SART1: variants seen among roughly 807,000 people sequenced by gnomAD.
The protein encoded by SART1 is U4/U6.U5 tri-snRNP-associated protein 1.
SART1 carries 28 observed loss-of-function variants against 105.0 expected under a neutral mutation model. The observed-to-expected ratio is 0.27, with a 90% CI of 0.20 to 0.37. The LOEUF (loss-of-function observed/expected upper bound fraction) is 0.37, where lower values mean the gene tolerates loss of function less well. Among genes scored for constraint, SART1 ranks in the 10% least tolerant of loss-of-function variants. SART1 has a pLI of 1.00. For missense variants in SART1, 894 were observed against 1,106.5 expected (o/e 0.81, Z 2.72); for synonymous variants, 472 against 462.9 (o/e 1.02, Z -0.25).
Position 65,975,410 on chromosome 11 carries a change from A to ATT in SART1, c.1573-966_1573-965dup, listed in dbSNP as rs531946236. On this transcript the variant is annotated intron_variant, in intron 12 of 19. Transcript: ENST00000312397. ...GAGCAACCACCCGGCCCCTGGAAGAATTTTTTTTTTTTTTTTTTTTCGAGA... is the reference window on the plus strand; with the variant it reads ...GAGCAACCACCCGGCCCCTGGAAGAATTTTTTTTTTTTTTTTTTTTTTCGAGA... 2.8e-3 allele frequency among the ~76,000 whole-genome samples: 306 copies of ATT among 110,064 alleles called. 2 individuals carry two copies. The highest frequency in any genetic ancestry group is 4.5e-3 in the African/African-American group (124 of 27,824). The allele number at this position is 110,064 out of a possible 152,430, so 72.2% of individuals were successfully genotyped here.
At position 65,964,019 on chromosome 11, in the gene SART1, T is replaced by C. The variant is rs549851887; in HGVS notation, c.314-55T>C. 22 of 1,543,084 alleles carry C rather than the reference T, an allele frequency of 1.4e-5. No individual in the cohort carries two copies. In the Admixed American group the frequency reaches 3.4e-4, roughly 24 times the overall value. On this transcript the variant is annotated intron_variant, in intron 1 of 19. Transcript: ENST00000312397. The stretch of plus-strand genomic sequence containing the variant: ...TTGTTCCTGCAGCTGGAGCCAACGA[T>C]GCTGGCTTCTTGGCCCTGTGTTCAG...
chr11:65,965,687 C>G lies in SART1; in HGVS notation c.661-15C>G. 6.2e-7 allele frequency: 1 copy of G among 1,611,944 alleles called. No individual in the cohort carries two copies. The highest frequency in any genetic ancestry group is 8.5e-7 in the Non-Finnish European group (1 of 1,178,832). On this transcript the variant is annotated splice_polypyrimidine_tract_variant and intron_variant, in intron 5 of 19. Transcript: ENST00000312397. ...AGTGGCCTGAAGTCCTAGGTCACCC[C>G]TCCCTGTCCCGTAGGCCAAGTTACT...
Position 65,979,084 on chromosome 11 carries a change from T to A in SART1, c.*54T>A. ...AACCTTCATATTAAATAAAGCTCCC[T>A]CCTTATTTTTTCCTCCCTGGTCGTG... On this transcript the variant is annotated 3_prime_UTR_variant, in exon 20 of 20. Transcript: ENST00000312397. 6.2e-7 allele frequency: 1 copy of A among 1,609,972 alleles called. No individual in the cohort carries two copies. The highest frequency in any genetic ancestry group is 8.5e-7 in the Non-Finnish European group (1 of 1,176,648).
chr11:65,963,655 T>G (rs1855190823), intron 1 of SART1, among the ~76,000 whole-genome samples: 1 of 152,158 alleles, frequency 6.6e-6, no homozygotes, highest in African/African-American at 2.4e-5. Context: ...CTAATTTTTA[T>G]ATTTTTAGTA....
At position 65,979,346 on chromosome 11, in the gene SART1, CG is replaced by C; in HGVS notation, c.*321del. On this transcript the variant is annotated 3_prime_UTR_variant, in exon 20 of 20. Transcript: ENST00000312397. ...TCATCACCCTGCTCTCTCCTGGCCT[CG>C]GGGGCTGCACAGGTCACTGTCCTGT... The C allele has an allele frequency of 8.1e-6, 4 of 492,670 alleles. No homozygotes were observed. The highest frequency in any genetic ancestry group is 1.5e-5 in the Non-Finnish European group (4 of 271,676). 30.5% of individuals were successfully genotyped at this position (492,670 alleles called of 1,614,324 possible).
At chr11:65,972,627 C>T (rs1432589947) in intron 12 of SART1, among the ~76,000 whole-genome samples, 1 of 151,996 alleles carries the variant, frequency 6.6e-6, no homozygotes, top group African/African-American at 2.4e-5. Context: ...ATTAGCTGGG[C>T]ATGGTAGCAT....
In SART1 at chr11:65,978,034, C is replaced by A; in HGVS notation, c.2172+135C>A. The A allele has an allele frequency of 1.1e-6, 1 of 952,184 alleles. No individual in the cohort carries two copies. 59.0% of individuals were successfully genotyped at this position (952,184 alleles called of 1,614,324 possible). A position where few individuals can be genotyped will look rare whatever the true frequency, so the allele number is the denominator to read the frequency against. The stretch of plus-strand genomic sequence containing the variant: ...CCTCTGGCTGGGGGCCTGGTGAATG[C>A]CACGGATGGGGAGGGGGCCCTCAGG... On this transcript the variant is annotated intron_variant, in intron 17 of 19. Transcript: ENST00000312397. The surrounding 1 kb of genome is among the most constrained non-coding windows in gnomAD (Gnocchi z 6.8).
At chr11:65,968,743 G>C (rs1382455763) in intron 12 of SART1, among the ~76,000 whole-genome samples, 1 of 152,184 alleles carries the variant, frequency 6.6e-6, no homozygotes, top group Non-Finnish European at 1.5e-5. Flanking sequence ...GAGGGCCAGG[G>C]AGGCTGGAGC....
Position 65,966,478 on chromosome 11 carries a change from C to G in SART1, c.1110C>G (p.Ala370=). ...AGCGGGAGCTGGAGGAGATCCGGGCCAAGCTGCGGCTGCAGGCTCAGTCCC... is the reference window on the plus strand; with the variant it reads ...AGCGGGAGCTGGAGGAGATCCGGGCGAAGCTGCGGCTGCAGGCTCAGTCCC... The part of the protein sequence containing the change: ...LRERELEEIR[A]KLRLQAQSLS... The change falls in exon 9 of 20, where the codon GCC becomes GCG. Residue 370 remains alanine (A), a synonymous_variant. Coordinates refer to ENST00000312397, the MANE Select transcript of SART1 (RefSeq NM_005146.5). 6.2e-7 allele frequency: 1 copy of G among 1,609,414 alleles called. No homozygotes were observed. Among genetic ancestry groups the G allele is most frequent in the Non-Finnish European group, 8.5e-7 (1 of 1,177,522 alleles).
At position 65,967,581 on chromosome 11, in the gene SART1, A is replaced by C; in HGVS notation, c.1424A>C (p.Asp475Ala). 1 of 1,612,242 alleles carries C rather than the reference A, an allele frequency of 6.2e-7. No individual in the cohort carries two copies. Among genetic ancestry groups the C allele is most frequent in the East Asian group, 2.2e-5 (1 of 44,838 alleles). ...CGAGTGGAGAACATGGACATCAGTG[A>C]TGAGGGTGAGGGCCCGGCCAGGGGG... ...DTRVENMDIS[D>A]EEEGGAPPPG... Residue 475 changes from aspartate to alanine, a missense_variant, in exon 11 of 20, where the codon GAT (aspartate) becomes GCT (alanine). Physicochemically the swap from Asp to Ala is moderately radical, Grantham distance 126. Coordinates refer to ENST00000312397, the MANE Select transcript of SART1 (RefSeq NM_005146.5).
In SART1 at chr11:65,965,466, T is replaced by TG; in HGVS notation, c.660+23dup. ...GAAGAGGGTGAGCACCTGGGCAGCA[T>TG]GGGGTGGTCGCCTAGTGCTTCTGGT... On this transcript the variant is annotated intron_variant, in intron 5 of 19. Coordinates refer to ENST00000312397, the MANE Select transcript of SART1 (RefSeq NM_005146.5). The TG allele has an allele frequency of 6.5e-7, 1 of 1,549,066 alleles. No homozygotes were observed. Among genetic ancestry groups the TG allele is most frequent in the African/African-American group, 1.4e-5 (1 of 73,108 alleles).
chr11:65,979,336 C>T lies in SART1; in HGVS notation c.*306C>T, dbSNP rs553778380. 11 of 521,272 alleles carry T rather than the reference C, an allele frequency of 2.1e-5. No homozygotes were observed. The highest frequency in any genetic ancestry group is 1.7e-4 in the African/African-American group (9 of 52,310). 32.3% of individuals were successfully genotyped at this position (521,272 alleles called of 1,614,324 possible). ...TTTTAGAAACTCATCACCCTGCTCTCTCCTGGCCTCGGGGGCTGCACAGGT... is the reference window on the plus strand; with the variant it reads ...TTTTAGAAACTCATCACCCTGCTCTTTCCTGGCCTCGGGGGCTGCACAGGT... On this transcript the variant is annotated 3_prime_UTR_variant, in exon 20 of 20. Coordinates refer to ENST00000312397, the MANE Select transcript of SART1 (RefSeq NM_005146.5).
chr11:65,979,226 C>T lies in SART1; in HGVS notation c.*196C>T, dbSNP rs1222394542. ...TAAACGATGGAAGAGAGAGCGAGCC[C>T]GGGTCCTCTAAGGCTCCTTCCTTCT... is the stretch of plus-strand genomic sequence containing the variant. On this transcript the variant is annotated 3_prime_UTR_variant, in exon 20 of 20. Transcript: ENST00000312397. 7 of 701,118 alleles carry T rather than the reference C, an allele frequency of 1.0e-5. No homozygotes were observed. The highest frequency in any genetic ancestry group is 3.7e-5 in the South Asian group (2 of 54,510). The allele number at this position is 701,118 out of a possible 1,614,324, so 43.4% of individuals were successfully genotyped here.
chr11:65,974,615 GTTGCAGTGAGCCTATAT>G (rs1385393084), intron 12 of SART1, among the ~76,000 whole-genome samples: 11 of 152,096 alleles, frequency 7.2e-5, no homozygotes, highest in African/African-American at 2.4e-4. Context: ...GGAGGTGGAG[GTTGCAGTGAGCCTATAT>G]CGCCCCATTG....
intron 2 of SART1, 125 bp from the exon 3 acceptor site, chr11:65,964,390 G>A: frequency 4.2e-6 from 5 of 1,179,156 alleles, no homozygotes; most frequent in Non-Finnish European, 6.2e-6. Context: ...GTCCTAGGCT[G>A]CCTGGGGCAG....
At chr11:65,964,433 G>A in intron 2 of SART1, 82 bp from the exon 3 acceptor site, 1 of 1,532,342 alleles carries the variant, frequency 6.5e-7, no homozygotes, top group Non-Finnish European at 9.0e-7. Flanking sequence ...CTCCCACCCT[G>A]TTTCTCCTCT....
Position 65,978,803 on chromosome 11 carries a change from A to T in SART1, c.2273A>T (p.Lys758Met). Residue 758 changes from lysine (K) to methionine (M), a missense_variant, in exon 19 of 20, where the codon AAG (lysine) becomes ATG (methionine). By Grantham distance (95) the Lys-to-Met change is moderately conservative. Coordinates refer to ENST00000312397, the MANE Select transcript of SART1 (RefSeq NM_005146.5). This position sits in a 1 kb window ranked among gnomAD's most constrained non-coding sequence, Gnocchi z 6.8. ...GCCCCGACCCCTCAGCTCCTGAAGA[A>T]GATGAGCTCCAGCGACACGCCCCTG... ...KKLDEEALLKKMSSSDTPLGT... is the reference protein window; with the variant it reads ...KKLDEEALLKMMSSSDTPLGT... 6.2e-7 allele frequency: 1 copy of T among 1,613,998 alleles called. No homozygotes were observed. The highest frequency in any genetic ancestry group is 2.2e-5 in the East Asian group (1 of 44,850).
intron 3 of SART1, 92 bp downstream of exon 3, chr11:65,964,662 GT>G: frequency 7.8e-7 from 1 of 1,282,216 alleles, no homozygotes; most frequent in East Asian, 2.4e-5. Flanking sequence ...GTTCAGCACT[GT>G]TTAGTGGTCT....
At chr11:65,975,868 G>A (rs1332657399) in intron 12 of SART1, among the ~76,000 whole-genome samples, 2 of 152,110 alleles carry the variant, frequency 1.3e-5, no homozygotes, top group African/African-American at 4.8e-5. Flanking sequence ...TGGTGCCCGT[G>A]TGGGGGTCGC....
Sources: allele counts gnomAD v4.1 joint callset (sites outside exome capture counted in the v4.1 genomes callset), GRCh38; gene constraint gnomAD v4.1.1; non-coding constraint Gnocchi (gnomAD v3.1); transcripts MANE v1.5; gene names NCBI Gene and HGNC (gene_info 2026-07-23, HGNC 2026-07-21).